GRIA2: variants seen among roughly 807,000 people sequenced by gnomAD.
The protein encoded by GRIA2 is glutamate ionotropic receptor AMPA type subunit 2, also known as glutamate receptor 2.
In GRIA2, 14 loss-of-function variants were observed where a neutral mutation model predicts 97.3. The ratio of observed to expected loss-of-function variants is 0.14; its 90% CI spans 0.10 to 0.23. The LOEUF (loss-of-function observed/expected upper bound fraction) is 0.23. Ranked by LOEUF, GRIA2 falls within the 10% of genes least tolerant of loss-of-function variation. The probability of loss-of-function intolerance (pLI) is 1.00; values close to 1 mark genes in which losing one functional copy is unlikely to be tolerated. For missense variants in GRIA2, 558 were observed against 1,069.8 expected, an observed-to-expected ratio of 0.52 and a Z score of 6.67; for synonymous variants, 412 against 387.8, an observed-to-expected ratio of 1.06 and a Z score of -0.73.
rs1731096978 is a variant in GRIA2, at chr4:157,253,325, A to T, written c.229+31518A>T. On this transcript the variant is annotated intron_variant, in intron 2 of 15. Coordinates refer to ENST00000264426, the MANE Select transcript of GRIA2 (RefSeq NM_001083619.3). ...AGAGACAGGGTTTTGCCACGTTGCCAAGGCTAATCTCGAATTCCTGAGCTC... is the reference window on the plus strand; with the variant it reads ...AGAGACAGGGTTTTGCCACGTTGCCTAGGCTAATCTCGAATTCCTGAGCTC... Among the ~76,000 whole-genome samples, 11 of 151,856 alleles carry T rather than the reference A, an allele frequency of 7.2e-5. No individual in the cohort carries two copies. The South Asian group carries it at 2.3e-3, about 31-fold the overall frequency.
chr4:157,305,695 A>G (rs1020370534), intron 3 of GRIA2, among the ~76,000 whole-genome samples: 10 of 152,198 alleles, frequency 6.6e-5, no homozygotes, highest in Admixed American at 5.9e-4. Flanking sequence ...CTGGGTTCAT[A>G]TATCATTTCC....
chr4:157,259,837 C>T (rs1165292934), intron 2 of GRIA2, among the ~76,000 whole-genome samples: 5 of 152,002 alleles, frequency 3.3e-5, no homozygotes. Flanking sequence ...CAGGTAACAC[C>T]ATTACATCTG....
chr4:157,303,398 A>C (rs748229647), intron 2 of GRIA2, among the ~76,000 whole-genome samples, 154 bp from the exon 3 acceptor site: 1 of 152,202 alleles, frequency 6.6e-6, no homozygotes, highest in Non-Finnish European at 1.5e-5. Flanking sequence ...TAAGTAAATA[A>C]GTGTTAATAA....
chr4:157,336,925 T>C lies in GRIA2; in HGVS notation c.1844+178T>C, dbSNP rs1735312317. ...AGTCTGTGAAATATTTGAACAATGT[T>C]CTTTGAATGTTGCTCATCTATTTCT... is the stretch of plus-strand genomic sequence containing the variant. On this transcript the variant is annotated intron_variant, in intron 11 of 15. Coordinates refer to ENST00000264426, the MANE Select transcript of GRIA2 (RefSeq NM_001083619.3). 2.6e-5 allele frequency among the ~76,000 whole-genome samples: 4 copies of C among 152,230 alleles called. No individual in the cohort carries two copies. The South Asian group carries it at 8.3e-4, about 32-fold the overall frequency.
At chr4:157,314,862 C>T (rs961731657) in intron 4 of GRIA2, among the ~76,000 whole-genome samples, 6 of 152,086 alleles carry the variant, frequency 3.9e-5, no homozygotes, top group African/African-American at 1.4e-4. Context: ...TGAGGCCATG[C>T]TTTGTGCCTG....
At chr4:157,227,937 TG>T in intron 2 of GRIA2, among the ~76,000 whole-genome samples, 1 of 152,086 alleles carries the variant, frequency 6.6e-6, no homozygotes, top group Non-Finnish European at 1.5e-5. Flanking sequence ...TTTACTAGTT[TG>T]GAAAAAAAAA....
chr4:157,257,120 A>G (rs1213864274), intron 2 of GRIA2, among the ~76,000 whole-genome samples: 1 of 152,094 alleles, frequency 6.6e-6, no homozygotes, highest in Non-Finnish European at 1.5e-5. Context: ...CCATGACAAG[A>G]AATTGTCAGA....
chr4:157,366,002 T>A lies in GRIA2; in HGVS notation c.*2571T>A, dbSNP rs562289053. The A allele has an allele frequency of 2.0e-5, 3 of 151,658 alleles. No homozygotes were observed. Among genetic ancestry groups the A allele is most frequent in the Admixed American group, 2.0e-4 (3 of 15,178 alleles). The allele number at this position is 151,658 out of a possible 1,614,324, so 9.4% of individuals were successfully genotyped here. A position where few individuals can be genotyped will look rare whatever the true frequency, so the allele number is the denominator to read the frequency against. The stretch of plus-strand genomic sequence containing the variant: ...ATGCTTTCGATTTTATTTTTAAATC[T>A]AACATCGGATGGCTTTTCCGGAGTG... On this transcript the variant is annotated 3_prime_UTR_variant, in exon 16 of 16. Coordinates refer to ENST00000264426, the MANE Select transcript of GRIA2 (RefSeq NM_001083619.3).
chr4:157,265,712 G>A (rs964788112), intron 2 of GRIA2, among the ~76,000 whole-genome samples: 16 of 152,092 alleles, frequency 1.1e-4, no homozygotes, highest in African/African-American at 3.1e-4. Context: ...GCCGGAATAC[G>A]GAAAGCAGAT....
intron 12 of GRIA2, among the ~76,000 whole-genome samples, chr4:157,356,120 TATATTTATA>T (rs1736349707): frequency 8.0e-6 from 1 of 124,938 alleles, no homozygotes; most frequent in Non-Finnish European, 1.6e-5. Context: ...TTTATTTATA[TATATTTATA>T]TATATTTATA....
In GRIA2 at chr4:157,312,847, G is replaced by A. The variant is rs1275553539; in HGVS notation, c.638G>A (p.Arg213Lys). 6.2e-7 allele frequency: 1 copy of A among 1,604,136 alleles called. No homozygotes were observed. Residue 213 changes from arginine to lysine, a missense_variant, in exon 4 of 16, where the codon AGG becomes AAG. By Grantham distance (26) the Arg-to-Lys change is conservative. Coordinates refer to ENST00000264426, the MANE Select transcript of GRIA2 (RefSeq NM_001083619.3). Reference sequence around the variant, plus strand: ...CGGCGTGTAATTCTGGACTGTGAAAGGGATAAAGTAAACGACATTGTAGAC... The same window carrying A: ...CGGCGTGTAATTCTGGACTGTGAAAAGGATAAAGTAAACGACATTGTAGAC... ...KERRVILDCERDKVNDIVDQV... is the reference protein window; with the variant it reads ...KERRVILDCEKDKVNDIVDQV...
intron 2 of GRIA2, among the ~76,000 whole-genome samples, chr4:157,270,815 G>A (rs1731987560): frequency 6.6e-6 from 1 of 152,026 alleles, no homozygotes; most frequent in Non-Finnish European, 1.5e-5. Context: ...TGGAGAGGGA[G>A]GAGGAGGCCG....
chr4:157,360,303 T>G (rs955640492), intron 13 of GRIA2, among the ~76,000 whole-genome samples, 160 bp downstream of exon 13: 6 of 152,190 alleles, frequency 3.9e-5, no homozygotes, highest in African/African-American at 1.4e-4. Context: ...AACATTTAGA[T>G]ACTGTTTTAT....
chr4:157,343,770 T>G (rs1735649868), intron 12 of GRIA2, among the ~76,000 whole-genome samples: 1 of 152,124 alleles, frequency 6.6e-6, no homozygotes, highest in Non-Finnish European at 1.5e-5. Context: ...CTGTATATGT[T>G]AATTATTTCA....
chr4:157,253,121 TG>T (rs1265557583), intron 2 of GRIA2, among the ~76,000 whole-genome samples: 6 of 151,566 alleles, frequency 4.0e-5, no homozygotes, highest in Non-Finnish European at 1.5e-5. Flanking sequence ...CCCACCTTTT[TG>T]TTTTTTTTTT....
chr4:157,221,591 G>A, intron 1 of GRIA2, 76 bp from the exon 2 acceptor site: 1 of 1,467,736 alleles, frequency 6.8e-7, no homozygotes, highest in Non-Finnish European at 9.3e-7. Context: ...TTGGATTTTT[G>A]GGCGCTAGCG....
chr4:157,276,039 T>A (rs940724451), intron 2 of GRIA2, among the ~76,000 whole-genome samples: 1 of 152,144 alleles, frequency 6.6e-6, no homozygotes, highest in Non-Finnish European at 1.5e-5. Flanking sequence ...TTTTATTTCA[T>A]TGAGCAGTGG....
At chr4:157,264,744 C>A (rs1236950499) in intron 2 of GRIA2, among the ~76,000 whole-genome samples, 1 of 152,086 alleles carries the variant, frequency 6.6e-6, no homozygotes, top group Non-Finnish European at 1.5e-5. Flanking sequence ...CTAGTCCCAT[C>A]TCTGCAGCTA....
At chr4:157,324,915 C>T (rs1256012115) in intron 6 of GRIA2, among the ~76,000 whole-genome samples, 1 of 152,050 alleles carries the variant, frequency 6.6e-6, no homozygotes, top group Non-Finnish European at 1.5e-5. Flanking sequence ...AGATTATTAA[C>T]AATGAGGTTA....
Sources: allele counts gnomAD v4.1 joint callset (sites outside exome capture counted in the v4.1 genomes callset), GRCh38; gene constraint gnomAD v4.1.1; transcripts MANE v1.5; gene names NCBI Gene and HGNC (gene_info 2026-07-23, HGNC 2026-07-21).